The following ART3 variants were observed in gnomAD, a reference collection of about 807,000 sequenced individuals.
ART3 encodes the protein ADP-ribosyltransferase 3 (inactive).
ART3 carries 49 observed loss-of-function variants against 48.5 expected under a neutral mutation model. The observed-to-expected ratio is 1.01, with a 90% confidence interval of 0.80 to 1.28. ART3 has a LOEUF of 1.28. ART3 is among the 50% of genes most tolerant of loss of function. ART3 has a pLI of 0.00. For synonymous variants in ART3, 145 were observed against 157.2 expected (o/e 0.92, Z 0.58); for missense variants, 438 against 454.3 (o/e 0.96, Z 0.33).
At position 76,107,911 on chromosome 4, in the gene ART3, A is replaced by G. The variant is rs1728783580; in HGVS notation, c.1036+118A>G. On this transcript the variant is annotated intron_variant, in intron 11 of 11. Transcript: ENST00000355810. ...AGTTGCAAGGTTTTAAGGCATCTTA[A>G]TAACAGAGTATAATGTCATATCCAA... 6 of 738,538 alleles carry G rather than the reference A, an allele frequency of 8.1e-6. No homozygotes were observed. The East Asian group carries it at 8.5e-5, about 11-fold the overall frequency. 45.7% of individuals were successfully genotyped at this position (738,538 alleles called of 1,614,324 possible).
At chr4:76,105,685 C>A (rs1728320946) in intron 10 of ART3, 1 of 1,044,434 alleles carries the variant, frequency 9.6e-7, no homozygotes. Flanking sequence ...TCCCAGTCTG[C>A]AAGCCAGACA....
At chr4:76,071,354 C>T (rs1335232832), upstream of ART3, among the ~76,000 whole-genome samples, 1 of 146,146 alleles carries the variant, frequency 6.8e-6, no homozygotes, top group African/African-American at 2.7e-5. Flanking sequence ...TGTGACAGAG[C>T]GAGACTCCAT....
chr4:76,062,349 A>G (rs891721519), intron 1 of ART3, among the ~76,000 whole-genome samples: 2 of 152,170 alleles, frequency 1.3e-5, no homozygotes, highest in Non-Finnish European at 2.9e-5. Context: ...GAAAAAAGTT[A>G]ATAACTATTT....
At chr4:76,050,612 G>A (rs563875392) in intron 1 of ART3, among the ~76,000 whole-genome samples, 1 of 152,346 alleles carries the variant, frequency 6.6e-6, no homozygotes, top group East Asian at 1.9e-4. Flanking sequence ...TCCCGCACCA[G>A]GGCTGCAGGT....
intron 1 of ART3, chr4:76,022,915 T>A: frequency 8.1e-7 from 1 of 1,235,884 alleles, no homozygotes; most frequent in Non-Finnish European, 1.1e-6. Context: ...TATCCCCATA[T>A]CAGCAAATAG....
chr4:76,090,616 T>C (rs1193560692), intron 3 of ART3, among the ~76,000 whole-genome samples: 1 of 152,194 alleles, frequency 6.6e-6, no homozygotes, highest in Non-Finnish European at 1.5e-5. Flanking sequence ...CCATGTAATC[T>C]CCAGTATTTA....
chr4:76,053,554 A>G (rs1361530391), intron 1 of ART3, among the ~76,000 whole-genome samples: 1 of 152,228 alleles, frequency 6.6e-6, no homozygotes, highest in African/African-American at 2.4e-5. Context: ...AGTTAATTTT[A>G]TTAGGGTATA....
intron 1 of ART3, among the ~76,000 whole-genome samples, chr4:76,046,579 G>T (rs961676203): frequency 2.0e-5 from 3 of 152,054 alleles, no homozygotes; most frequent in East Asian, 1.9e-4. Context: ...CTTTTAACCT[G>T]ATTTGGACTG....
At chr4:76,082,846 C>G (rs4077787) in intron 3 of ART3, among the ~76,000 whole-genome samples, 54,985 of 151,800 alleles carry the variant, frequency 0.36, 10,099 homozygotes, top group East Asian at 0.43. Context: ...AGGGGGATTG[C>G]TACTGACATC....
chr4:76,097,251 C>A (rs1204994205), intron 3 of ART3, among the ~76,000 whole-genome samples: 1 of 152,142 alleles, frequency 6.6e-6, no homozygotes, highest in African/African-American at 2.4e-5. Context: ...GTCACCCAGG[C>A]TGGAGTGTAG....
chr4:76,034,468 C>G, intron 1 of ART3: 1 of 511,810 alleles, frequency 2.0e-6, no homozygotes, highest in Non-Finnish European at 3.4e-6. Flanking sequence ...TATAATGCAA[C>G]AAGTAAGAAC....
chr4:76,112,077 CAGTA>C, intron 11 of ART3: 1 of 255,330 alleles, frequency 3.9e-6, no homozygotes, highest in Non-Finnish European at 7.4e-6. Flanking sequence ...TTTCTATTAT[CAGTA>C]AGGCTTCCAG....
intron 3 of ART3, among the ~76,000 whole-genome samples, chr4:76,094,632 ACT>A (rs1164533870): frequency 2.0e-5 from 3 of 152,030 alleles, no homozygotes; most frequent in Admixed American, 2.0e-4. Context: ...CCTTCTCAAT[ACT>A]CTACCTAATG....
chr4:76,056,760 C>T (rs1456649096), intron 1 of ART3, among the ~76,000 whole-genome samples: 1 of 152,168 alleles, frequency 6.6e-6, no homozygotes, highest in African/African-American at 2.4e-5. Context: ...CTAGGCTAGC[C>T]TGCTAAAATA....
intron 1 of ART3, among the ~76,000 whole-genome samples, chr4:76,028,873 G>A (rs1002231805): frequency 6.6e-6 from 1 of 152,152 alleles, no homozygotes; most frequent in Non-Finnish European, 1.5e-5. Flanking sequence ...GCTTCTGTTT[G>A]GATACATTTT....
At chr4:76,032,056 G>A (rs1305162632) in intron 1 of ART3, among the ~76,000 whole-genome samples, 5 of 152,106 alleles carry the variant, frequency 3.3e-5, no homozygotes. Context: ...CCAAGGTGGG[G>A]AGGATCTTGG....
At chr4:76,109,162 AAC>A (rs1191151127) in intron 11 of ART3, among the ~76,000 whole-genome samples, 1 of 152,224 alleles carries the variant, frequency 6.6e-6, no homozygotes, top group African/African-American at 2.4e-5. Context: ...CTTTTGTAAT[AAC>A]ACTTAGCTTA....
intron 1 of ART3, among the ~76,000 whole-genome samples, chr4:76,017,990 C>T (rs1337198986): frequency 1.3e-5 from 2 of 152,226 alleles, no homozygotes; most frequent in African/African-American, 4.8e-5. Flanking sequence ...AACTTTGTAT[C>T]ACTGAAAGAA....
intron 3 of ART3, among the ~76,000 whole-genome samples, chr4:76,086,876 G>T (rs935324776): frequency 6.6e-6 from 1 of 152,178 alleles, no homozygotes; most frequent in African/African-American, 2.4e-5. Context: ...TGTGACAGTA[G>T]CCTGAAATTG....
Sources: allele counts gnomAD v4.1 joint callset (sites outside exome capture counted in the v4.1 genomes callset), GRCh38; gene constraint gnomAD v4.1.1; transcripts MANE v1.5; gene names NCBI Gene and HGNC (gene_info 2026-07-23, HGNC 2026-07-21).